Variants in CTNNA2 observed in about 807,000 individuals in gnomAD.
The protein encoded by CTNNA2 is catenin alpha-2.
CTNNA2 carries 42 observed loss-of-function variants against 101.0 expected under a neutral mutation model. The ratio of observed to expected loss-of-function variants is 0.42; its 90% CI spans 0.32 to 0.54. The LOEUF is 0.54. CTNNA2 is among the 20% of genes least tolerant of loss of function. CTNNA2 has a pLI of 0.14. For synonymous variants in CTNNA2, 450 were observed against 456.4 expected (o/e 0.99, Z 0.18); for missense variants, 871 against 1,223.1 (o/e 0.71, Z 4.29).
intron 11 of CTNNA2, among the ~76,000 whole-genome samples, chr2:80,555,445 T>A (rs1692948325): frequency 6.6e-6 from 1 of 152,190 alleles, no homozygotes; most frequent in African/African-American, 2.4e-5. Flanking sequence ...TACCCCAGAC[T>A]TACTGAATTG....
chr2:79,908,339 G>A (rs1574284489), intron 6 of CTNNA2, among the ~76,000 whole-genome samples: 1 of 152,096 alleles, frequency 6.6e-6, no homozygotes, highest in Non-Finnish European at 1.5e-5. Context: ...AATAAGGAAC[G>A]TCAAAAGAAG....
intron 4 of CTNNA2, among the ~76,000 whole-genome samples, chr2:79,503,074 G>C (rs1464743219): frequency 6.6e-6 from 1 of 152,164 alleles, no homozygotes; most frequent in Non-Finnish European, 1.5e-5. Flanking sequence ...ATTCCTTGGG[G>C]AGACCAGGCA....
intron 2 of CTNNA2, chr2:79,687,497 C>A: frequency 1.8e-6 from 1 of 553,534 alleles, no homozygotes; most frequent in Non-Finnish European, 3.3e-6. Flanking sequence ...TTTTTATTTG[C>A]ATTACCCAGA....
chr2:80,101,135 G>A (rs993816031), intron 7 of CTNNA2, among the ~76,000 whole-genome samples: 17 of 152,148 alleles, frequency 1.1e-4, no homozygotes, highest in Admixed American at 1.3e-4. Flanking sequence ...GAAATATCTA[G>A]TGGATATTTC....
intron 3 of CTNNA2, among the ~76,000 whole-genome samples, chr2:79,325,069 C>T (rs1270788846): frequency 6.6e-6 from 1 of 152,162 alleles, no homozygotes; most frequent in Non-Finnish European, 1.5e-5. Flanking sequence ...AGGATGGTCT[C>T]ATTTTTATTG....
chr2:79,949,893 G>A (rs778661129), intron 7 of CTNNA2, among the ~76,000 whole-genome samples: 1 of 152,146 alleles, frequency 6.6e-6, no homozygotes, highest in Admixed American at 6.5e-5. Flanking sequence ...AATACCATCA[G>A]CCAGATATCT....
chr2:79,599,898 C>T (rs1057430795), intron 1 of CTNNA2, among the ~76,000 whole-genome samples: 38 of 152,082 alleles, frequency 2.5e-4, no homozygotes, highest in Non-Finnish European at 4.4e-5. Flanking sequence ...GAATTCCTAA[C>T]CATGTCTTGT....
At chr2:80,422,970 C>T (rs1290849751) in intron 9 of CTNNA2, among the ~76,000 whole-genome samples, 1 of 151,990 alleles carries the variant, frequency 6.6e-6, no homozygotes, top group Non-Finnish European at 1.5e-5. Context: ...ATTTAATTTT[C>T]TAATTTACTG....
intron 9 of CTNNA2, among the ~76,000 whole-genome samples, chr2:80,492,567 C>A (rs1440841904): frequency 6.6e-6 from 1 of 152,182 alleles, no homozygotes; most frequent in Non-Finnish European, 1.5e-5. Flanking sequence ...TCATTTACAT[C>A]AAGGAAAAAT....
At chr2:80,043,067 CTT>C (rs1696215808) in intron 7 of CTNNA2, among the ~76,000 whole-genome samples, 1 of 49,404 alleles carries the variant, frequency 2.0e-5, no homozygotes, top group African/African-American at 9.9e-5. Context: ...TTCTTTCTTT[CTT>C]TCTTTCTTTC....
chr2:80,570,965 T>G (rs1170768975), intron 12 of CTNNA2, among the ~76,000 whole-genome samples: 1 of 152,100 alleles, frequency 6.6e-6, no homozygotes, highest in Non-Finnish European at 1.5e-5. Context: ...CATTTAGGTT[T>G]TAGCTTTCTC....
chr2:79,964,920 T>C (rs775144125), intron 7 of CTNNA2, among the ~76,000 whole-genome samples: 7 of 152,216 alleles, frequency 4.6e-5, no homozygotes, highest in Non-Finnish European at 7.3e-5. Context: ...ACTCATCCTA[T>C]GTGTAGGTGG....
intron 7 of CTNNA2, among the ~76,000 whole-genome samples, chr2:79,934,931 G>A (rs558535824): frequency 2.6e-5 from 4 of 152,310 alleles, no homozygotes; most frequent in Non-Finnish European, 5.9e-5. Context: ...ATTTTAGAAT[G>A]GATGTATAAA....
chr2:79,969,751 T>A (rs1348851412), intron 7 of CTNNA2, among the ~76,000 whole-genome samples: 1 of 150,170 alleles, frequency 6.7e-6, no homozygotes, highest in Non-Finnish European at 1.5e-5. Flanking sequence ...TCTTGGCCAG[T>A]GATTATTGAA....
At chr2:80,475,734 C>T (rs1685677859) in intron 9 of CTNNA2, among the ~76,000 whole-genome samples, 1 of 152,092 alleles carries the variant, frequency 6.6e-6, no homozygotes, top group African/African-American at 2.4e-5. Context: ...TCAAATCTTC[C>T]TAGAGAGGTC....
At chr2:80,529,586 G>A (rs989169557) in intron 9 of CTNNA2, among the ~76,000 whole-genome samples, 1 of 152,060 alleles carries the variant, frequency 6.6e-6, no homozygotes, top group South Asian at 2.1e-4. Context: ...TATTATTGGT[G>A]TTCACACAAT....
At chr2:80,346,302 G>T (rs1275276440) in intron 7 of CTNNA2, among the ~76,000 whole-genome samples, 2 of 152,180 alleles carry the variant, frequency 1.3e-5, no homozygotes, top group Non-Finnish European at 1.5e-5. Flanking sequence ...TTCTGGGAAG[G>T]CCCCAGGAAG....
intron 7 of CTNNA2, among the ~76,000 whole-genome samples, chr2:80,001,737 C>T (rs1897775): frequency 0.53 from 81,053 of 151,976 alleles, 22,551 homozygotes; most frequent in East Asian, 0.88. Flanking sequence ...AAAGAGGAGG[C>T]GGCCGGACAC....
intron 6 of CTNNA2, among the ~76,000 whole-genome samples, chr2:79,897,973 CT>C (rs1263356617): frequency 6.6e-6 from 1 of 152,090 alleles, no homozygotes; most frequent in African/African-American, 2.4e-5. Flanking sequence ...AGGGAGGAGC[CT>C]TATGTCCCAA....
Sources: allele counts gnomAD v4.1 joint callset (sites outside exome capture counted in the v4.1 genomes callset), GRCh38; gene constraint gnomAD v4.1.1; transcripts MANE v1.5; gene names NCBI Gene and HGNC (gene_info 2026-07-23, HGNC 2026-07-21).